ACAP1: variants seen among roughly 807,000 people sequenced by gnomAD.
ACAP1 encodes ArfGAP with coiled-coil, ankyrin repeat and PH domains 1, also known as arf-GAP with coiled-coil, ANK repeat and PH domain-containing protein 1.
In ACAP1, 45 loss-of-function variants were observed where a neutral mutation model predicts 98.8. The ratio of observed to expected loss-of-function variants is 0.46; its 90% confidence interval spans 0.36 to 0.58. The LOEUF (loss-of-function observed/expected upper bound fraction) is 0.58. Ranked by LOEUF, ACAP1 falls within the 20% of genes least tolerant of loss-of-function variation. ACAP1 has a pLI of 0.00. For synonymous variants in ACAP1, 362 were observed against 375.3 expected (o/e 0.96, Z 0.41); for missense variants, 735 against 971.4 (o/e 0.76, Z 3.24).
chr17:7,348,452 C>A lies in ACAP1; in HGVS notation c.1655C>A (p.Pro552Gln). 1 of 1,487,428 alleles carries A rather than the reference C, an allele frequency of 6.7e-7. No individual in the cohort carries two copies. Among genetic ancestry groups the A allele is most frequent in the Non-Finnish European group, 8.9e-7 (1 of 1,118,870 alleles). The allele number at this position is 1,487,428 out of a possible 1,614,324, so 92.1% of individuals were successfully genotyped here. The change falls in exon 17 of 22, where the codon CCA (proline) becomes CAA (glutamine). Residue 552 changes from proline to glutamine, a missense_variant. Around this residue, in one of 5 missense-constraint regions of ACAP1, gnomAD observed 80 missense variants for 64.4 expected, o/e 1.24. Coordinates refer to ENST00000158762, the MANE Select transcript of ACAP1 (RefSeq NM_014716.4). ...VPPKPSIRPR[P>Q]GSLRSKPEPP... ...CCAAAGCCTTCCATCAGGCCCCGGC[C>A]AGGGAGCTTGAGATCCAAGCCAGGT...
In ACAP1 at chr17:7,336,806, G is replaced by C. The variant is rs915688172; in HGVS notation, c.53+19G>C. The C allele has an allele frequency of 2.5e-6, 4 of 1,613,212 alleles. No homozygotes were observed. The African/African-American group carries it at 4.0e-5, about 16-fold the overall frequency. Reference sequence around the variant, plus strand: ...GTTTCCGGTAAGTGTGAACTGGTCTGGGGGGCTAAGGAGGGGAAAGTCTAA... The same window carrying C: ...GTTTCCGGTAAGTGTGAACTGGTCTCGGGGGCTAAGGAGGGGAAAGTCTAA... On this transcript the variant is annotated intron_variant, in intron 1 of 21. Transcript: ENST00000158762.
chr17:7,345,329 TTC>T (rs1471706336), intron 10 of ACAP1: 1 of 152,038 alleles, frequency 6.6e-6, no homozygotes, highest in African/African-American at 2.4e-5. Context: ...CTTTTTTTTT[TTC>T]TGTTTTTTTT....
chr17:7,342,779 G>A (rs2073301274), intron 5 of ACAP1: 3 of 422,730 alleles, frequency 7.1e-6, no homozygotes, highest in Admixed American at 7.6e-5. Context: ...ATGGTGGCAG[G>A]TGCCTGTAAT....
chr17:7,345,334 T>C (rs1214467471), intron 10 of ACAP1: 1 of 151,584 alleles, frequency 6.6e-6, no homozygotes, highest in African/African-American at 2.4e-5. Flanking sequence ...TTTTTTTCTG[T>C]TTTTTTTGAG....
rs551807891 is a variant in ACAP1, at chr17:7,342,671, G to A, written c.344+197G>A. On this transcript the variant is annotated intron_variant, in intron 5 of 21. Coordinates refer to ENST00000158762, the MANE Select transcript of ACAP1 (RefSeq NM_014716.4). Reference sequence around the variant, plus strand: ...TCCCGGCATTTTGGGAGGCCAAGGCGGGCGGATCACCTGAGGTCGGGAGTT... The same window carrying A: ...TCCCGGCATTTTGGGAGGCCAAGGCAGGCGGATCACCTGAGGTCGGGAGTT... 84 of 641,812 alleles carry A rather than the reference G, an allele frequency of 1.3e-4. No individual in the cohort carries two copies. In the Middle Eastern group the frequency reaches 3.0e-3, roughly 23 times the overall value. The allele number at this position is 641,812 out of a possible 1,614,324, so 39.8% of individuals were successfully genotyped here. A position where few individuals can be genotyped will look rare whatever the true frequency, so the allele number is the denominator to read the frequency against.
chr17:7,337,282 G>A (rs762161807), intron 1 of ACAP1, 30 bp from the exon 2 acceptor site: 1 of 1,612,300 alleles, frequency 6.2e-7, no homozygotes, highest in Non-Finnish European at 8.5e-7. Context: ...ATGGACCCAA[G>A]CTCTCTTCCC....
In ACAP1 at chr17:7,344,030, A is replaced by G; in HGVS notation, c.670-19A>G. 1 of 1,585,194 alleles carries G rather than the reference A, an allele frequency of 6.3e-7. No homozygotes were observed. Among genetic ancestry groups the G allele is most frequent in the Non-Finnish European group, 8.6e-7 (1 of 1,165,106 alleles). ...AACTGGGGGGCCTTGGACATCTGAG[A>G]TGCCCTTCCTGTGCCCAGTTGCACC... is the stretch of plus-strand genomic sequence containing the variant. On this transcript the variant is annotated intron_variant, in intron 8 of 21. Coordinates refer to ENST00000158762, the MANE Select transcript of ACAP1 (RefSeq NM_014716.4). This position sits in a 1 kb window ranked among gnomAD's most constrained non-coding sequence, Gnocchi z 4.9.
At chr17:7,339,087 G>A (rs1201363829) in intron 2 of ACAP1, among the ~76,000 whole-genome samples, 8 of 151,082 alleles carry the variant, frequency 5.3e-5, no homozygotes, top group Non-Finnish European at 7.4e-5. Flanking sequence ...TCAGGAGATC[G>A]AAACCATCCT....
chr17:7,338,874 G>A (rs1014963116), intron 2 of ACAP1, among the ~76,000 whole-genome samples: 8 of 151,328 alleles, frequency 5.3e-5, no homozygotes, highest in African/African-American at 1.9e-4. Flanking sequence ...GTAAATTATT[G>A]ACTCAGGAGA....
Position 7,343,155 on chromosome 17 carries a change from C to T in ACAP1, c.345-224C>T, listed in dbSNP as rs936505341. ...TGGGAGAGAAGGGGGCCTTATTTCTCGGAAACCAGCCCTGCTGCCCTCTTC... is the reference window on the plus strand; with the variant it reads ...TGGGAGAGAAGGGGGCCTTATTTCTTGGAAACCAGCCCTGCTGCCCTCTTC... On this transcript the variant is annotated intron_variant, in intron 5 of 21. Transcript: ENST00000158762. The surrounding 1 kb of genome is among the most constrained non-coding windows in gnomAD (Gnocchi z 4.9). The T allele has an allele frequency of 2.3e-5, 11 of 478,660 alleles. No individual in the cohort carries two copies. The highest frequency in any genetic ancestry group is 1.8e-4 in the Admixed American group (5 of 27,224). 29.7% of individuals were successfully genotyped at this position (478,660 alleles called of 1,614,324 possible).
At chr17:7,351,228 C>A in intron 21 of ACAP1, 67 bp from the exon 22 acceptor site, 1 of 1,396,802 alleles carries the variant, frequency 7.2e-7, no homozygotes, top group Non-Finnish European at 9.9e-7. Context: ...AGGTGGGCCC[C>A]AACCGCCGGA....
intron 2 of ACAP1, among the ~76,000 whole-genome samples, chr17:7,339,083 G>A (rs1241451216): frequency 7.0e-6 from 1 of 143,120 alleles, no homozygotes; most frequent in Non-Finnish European, 1.5e-5. Flanking sequence ...GAGGTCAGGA[G>A]ATCGAAACCA....
intron 18 of ACAP1, 142 bp downstream of exon 18, chr17:7,349,309 T>G: frequency 1.1e-6 from 1 of 878,160 alleles, no homozygotes; most frequent in East Asian, 2.7e-5. Flanking sequence ...TAGAGACTGG[T>G]TGCTAAGAGT....
Position 7,346,797 on chromosome 17 carries a change from C to G in ACAP1, c.1008-11C>G, listed in dbSNP as rs771018515. 1 of 1,609,912 alleles carries G rather than the reference C, an allele frequency of 6.2e-7. No individual in the cohort carries two copies. Among genetic ancestry groups the G allele is most frequent in the South Asian group, 1.1e-5 (1 of 90,846 alleles). ...AGACCCCTCTGCCATCTCCCTCACC[C>G]TCCTACCTAGGTCCTGCCTCCTCCA... On this transcript the variant is annotated splice_polypyrimidine_tract_variant and intron_variant, in intron 12 of 21. Coordinates refer to ENST00000158762, the MANE Select transcript of ACAP1 (RefSeq NM_014716.4).
intron 14 of ACAP1, chr17:7,347,563 C>T (rs4796408): frequency 0.16 from 82,462 of 519,100 alleles, 7,423 homozygotes; most frequent in Middle Eastern, 0.25. Flanking sequence ...GGTCATGAGG[C>T]CTTAGCAAGT....
At position 7,350,463 on chromosome 17, in the gene ACAP1, C is replaced by T. The variant is rs2073394839; in HGVS notation, c.2072+226C>T. 1.0e-5 allele frequency: 6 copies of T among 579,246 alleles called. No homozygotes were observed. The South Asian group carries it at 1.0e-4, about 10-fold the overall frequency. 35.9% of individuals were successfully genotyped at this position (579,246 alleles called of 1,614,324 possible). A position where few individuals can be genotyped will look rare whatever the true frequency, so the allele number is the denominator to read the frequency against. On this transcript the variant is annotated intron_variant, in intron 20 of 21. Coordinates refer to ENST00000158762, the MANE Select transcript of ACAP1 (RefSeq NM_014716.4). The surrounding 1 kb of genome is among the most constrained non-coding windows in gnomAD (Gnocchi z 4.6). ...GGAGGGCGGGCAGGGTGCAAGGATG[C>T]TTGGCCCACCCTGAGAGGCGTAATT...
chr17:7,340,000 C>T (rs1242600928), intron 2 of ACAP1, among the ~76,000 whole-genome samples: 1 of 152,168 alleles, frequency 6.6e-6, no homozygotes, highest in African/African-American at 2.4e-5. Context: ...GTCGCTCATG[C>T]CTGTCATCCC....
intron 18 of ACAP1, 51 bp downstream of exon 18, chr17:7,349,218 T>A (rs1253972796): frequency 6.3e-7 from 1 of 1,597,796 alleles, no homozygotes; most frequent in Admixed American, 1.7e-5. Flanking sequence ...TGACACCTAC[T>A]CCTGACTCTG....
chr17:7,341,458 T>C lies in ACAP1; in HGVS notation c.112-490T>C, dbSNP rs2073277367. 2.6e-5 allele frequency among the ~76,000 whole-genome samples: 4 copies of C among 152,228 alleles called. No homozygotes were observed. The South Asian group carries it at 8.3e-4, about 31-fold the overall frequency. On this transcript the variant is annotated intron_variant, in intron 2 of 21. Coordinates refer to ENST00000158762, the MANE Select transcript of ACAP1 (RefSeq NM_014716.4). ...GGTTTCACCATGTTGCCCAGGCTGC[T>C]CTTGAATTCCTGAGCTCAAGCGACT...
Sources: allele counts gnomAD v4.1 joint callset (sites outside exome capture counted in the v4.1 genomes callset), GRCh38; gene constraint gnomAD v4.1.1; regional missense constraint gnomAD v4.1.1; non-coding constraint Gnocchi (gnomAD v3.1); transcripts MANE v1.5; gene names NCBI Gene and HGNC (gene_info 2026-07-23, HGNC 2026-07-21).